Variants in DZIP1L observed in about 807,000 individuals in gnomAD.
The protein encoded by DZIP1L is cilium assembly protein DZIP1L.
A neutral mutation model predicts 88.7 loss-of-function variants in DZIP1L; 90 were observed. The ratio of observed to expected loss-of-function variants is 1.02; its 90% confidence interval spans 0.86 to 1.21. The LOEUF is 1.21. Among genes scored for constraint, DZIP1L ranks in the 50% most tolerant of loss-of-function variants. The pLI is 0.00. For synonymous variants in DZIP1L, 363 were observed against 372.1 expected (o/e 0.98, Z 0.28); for missense variants, 932 against 955.8 (o/e 0.98, Z 0.33).
At chr3:138,082,837 G>A (rs1943727485) in intron 8 of DZIP1L, among the ~76,000 whole-genome samples, 1 of 152,212 alleles carries the variant, frequency 6.6e-6, no homozygotes, top group South Asian at 2.1e-4. Context: ...ATAAGCACAA[G>A]TCTTGGGAAG....
At chr3:138,088,081 G>C (rs1472768114) in intron 6 of DZIP1L, among the ~76,000 whole-genome samples, 1 of 152,184 alleles carries the variant, frequency 6.6e-6, no homozygotes, top group Non-Finnish European at 1.5e-5. Flanking sequence ...CCAAGAGACT[G>C]TCACAGTTTC....
intron 1 of DZIP1L, among the ~76,000 whole-genome samples, chr3:138,108,568 A>C (rs1009540163): frequency 2.6e-5 from 4 of 151,998 alleles, no homozygotes; most frequent in African/African-American, 9.7e-5. Flanking sequence ...ATCCACCTGC[A>C]ACCCATTTCT....
chr3:138,071,313 T>C (rs1456374907), intron 12 of DZIP1L, among the ~76,000 whole-genome samples: 6 of 152,176 alleles, frequency 3.9e-5, no homozygotes, highest in African/African-American at 1.4e-4. Flanking sequence ...CACTCAACTG[T>C]GGTCGCAACA....
At chr3:138,106,118 G>A (rs2042476115) in intron 1 of DZIP1L, among the ~76,000 whole-genome samples, 1 of 129,204 alleles carries the variant, frequency 7.7e-6, no homozygotes, top group Non-Finnish European at 1.6e-5. Flanking sequence ...ACATGATTCA[G>A]TCTTCTTTCT....
At chr3:138,102,575 G>A in intron 2 of DZIP1L, 1 of 1,443,308 alleles carries the variant, frequency 6.9e-7, no homozygotes, top group Non-Finnish European at 9.7e-7. Context: ...ATCTTGTTCT[G>A]CTGCTCCAGG....
chr3:138,098,062 C>A (rs893630893), intron 2 of DZIP1L, among the ~76,000 whole-genome samples: 2 of 152,246 alleles, frequency 1.3e-5, no homozygotes, highest in African/African-American at 4.8e-5. Flanking sequence ...AAACTGTCAA[C>A]ACTGGATATT....
At chr3:138,089,402 G>T in intron 5 of DZIP1L, 1 of 385,448 alleles carries the variant, frequency 2.6e-6, no homozygotes, top group Non-Finnish European at 3.5e-6. Context: ...AAACCTTCGT[G>T]GTATTTCCAT....
At chr3:138,071,973 G>A in intron 11 of DZIP1L, 138 bp from the exon 12 acceptor site, 3 of 831,924 alleles carry the variant, frequency 3.6e-6, no homozygotes, top group South Asian at 2.0e-5. Context: ...TGGGGGGCAT[G>A]AAATGAGGAT....
Position 138,068,303 on chromosome 3 carries a change from C to T in DZIP1L, c.1680G>A (p.Val560=), listed in dbSNP as rs1404497726. ...EAQPKTRTLQ[V]ALPSTPAEPP... is the part of the protein sequence containing the mutation. The stretch of plus-strand genomic sequence containing the variant: ...GCTCTGCCGGTGTGGATGGCAAGGC[C>T]ACCTGCAGGGTCCTGGTCTTTGGCT... The change falls in exon 13 of 16, where the codon GTG becomes GTA. Residue 560 remains valine, a synonymous_variant. Transcript: ENST00000327532. The T allele has an allele frequency of 6.3e-7, 1 of 1,595,534 alleles. No individual in the cohort carries two copies. The highest frequency in any genetic ancestry group is 8.5e-7 in the Non-Finnish European group (1 of 1,170,064).
chr3:138,102,486 G>A, intron 2 of DZIP1L: 1 of 1,369,340 alleles, frequency 7.3e-7, no homozygotes, highest in Non-Finnish European at 1.0e-6. Flanking sequence ...TAAGGTTGTT[G>A]ATGTAGCTCT....
Position 138,097,813 on chromosome 3 carries a change from G to A in DZIP1L, c.536C>T (p.Thr179Ile). The change falls in exon 3 of 16, where the codon ACC becomes ATC. Residue 179 changes from threonine to isoleucine, a missense_variant. Thr to Ile is a moderately conservative substitution (Grantham distance 89). Coordinates refer to ENST00000327532, the MANE Select transcript of DZIP1L (RefSeq NM_173543.3). ...GCGCTGGATGTGGCCCCGGAGAAAG[G>A]TGGCATTCATGAATGTCTTGTCACA... is the stretch of plus-strand genomic sequence containing the variant. Reference protein sequence around the residue: ...HLCDKTFMNATFLRGHIQRRH... With the variant: ...HLCDKTFMNAIFLRGHIQRRH... 1 of 1,613,246 alleles carries A rather than the reference G, an allele frequency of 6.2e-7. No individual in the cohort carries two copies. The highest frequency in any genetic ancestry group is 8.5e-7 in the Non-Finnish European group (1 of 1,179,666).
At chr3:138,111,250 A>G (rs2042614772) in intron 1 of DZIP1L, among the ~76,000 whole-genome samples, 1 of 152,246 alleles carries the variant, frequency 6.6e-6, no homozygotes, top group Non-Finnish European at 1.5e-5. Flanking sequence ...TAATGGGGCT[A>G]TGGACTGCCA....
At chr3:138,114,947 C>T (rs1455283592) in intron 1 of DZIP1L, among the ~76,000 whole-genome samples, 1 of 152,216 alleles carries the variant, frequency 6.6e-6, no homozygotes, top group African/African-American at 2.4e-5. Flanking sequence ...ACCTACGGCA[C>T]TCAGATCATC....
intron 14 of DZIP1L, among the ~76,000 whole-genome samples, chr3:138,066,611 G>A (rs1206722065): frequency 6.6e-6 from 1 of 151,960 alleles, no homozygotes; most frequent in African/African-American, 2.4e-5. Flanking sequence ...CCTCATCAGT[G>A]CTGTGAGGAG....
Position 138,103,831 on chromosome 3 carries a change from G to T in DZIP1L, c.141C>A (p.Ala47=). The change falls in exon 2 of 16, where the codon GCC becomes GCA. Residue 47 remains alanine (A), a synonymous_variant. Coordinates refer to ENST00000327532, the MANE Select transcript of DZIP1L (RefSeq NM_173543.3). ...GCAGAGTGGCCACATCCAGTTCCCG[G>T]GCCACGCGGTCTACATCCAGGGTGC... ...RISTLDVDRV[A]RELDVATLQE... is the part of the protein sequence containing the mutation. 6.2e-7 allele frequency: 1 copy of T among 1,614,186 alleles called. No individual in the cohort carries two copies.
chr3:138,087,429 T>A (rs1943997075), intron 6 of DZIP1L, among the ~76,000 whole-genome samples: 1 of 152,192 alleles, frequency 6.6e-6, no homozygotes, highest in South Asian at 2.1e-4. Flanking sequence ...TTTGACTACA[T>A]AAACATTAAT....
At chr3:138,081,583 C>G (rs940203093) in intron 9 of DZIP1L, 151 bp downstream of exon 9, 12 of 702,094 alleles carry the variant, frequency 1.7e-5, no homozygotes, top group Admixed American at 6.6e-5. Flanking sequence ...AGAGCTGCAG[C>G]CTGTGTGGCC....
At chr3:138,111,920 A>T (rs545278980) in intron 1 of DZIP1L, among the ~76,000 whole-genome samples, 5 of 151,964 alleles carry the variant, frequency 3.3e-5, no homozygotes, top group Non-Finnish European at 7.4e-5. Context: ...GCTTGAACCC[A>T]GGAGGTGGAA....
chr3:138,088,813 T>C, intron 5 of DZIP1L: 1 of 1,030,024 alleles, frequency 9.7e-7, no homozygotes, highest in Non-Finnish European at 1.2e-6. Context: ...GCTGCCCCAT[T>C]TCTTCCTCAG....
Sources: gnomAD v4.1 joint callset for allele counts (sites outside exome capture counted in the v4.1 genomes callset) on GRCh38, gnomAD v4.1.1 for gene constraint, MANE v1.5 for transcripts, NCBI Gene and HGNC (gene_info 2026-07-23, HGNC 2026-07-21) for gene names.